SPSB4: variants seen among roughly 807,000 people sequenced by gnomAD.
SPSB4 encodes splA/ryanodine receptor domain and SOCS box containing 4, also known as SPRY domain-containing SOCS box protein 4.
A neutral mutation model predicts 20.9 loss-of-function variants in SPSB4; 21 were observed. The ratio of observed to expected loss-of-function variants is 1.01; its 90% CI spans 0.71 to 1.45. The LOEUF (loss-of-function observed/expected upper bound fraction) is 1.45, where lower values mean the gene tolerates loss of function less well. Ranked by LOEUF, SPSB4 falls within the 40% of genes most tolerant of loss-of-function variation. The pLI, the probability that SPSB4 is intolerant of heterozygous loss-of-function variation, is 0.00. For missense variants in SPSB4, 399 were observed against 399.2 expected, an observed-to-expected ratio of 1.00 and a Z score of 0.00; for synonymous variants, 207 against 183.8, an observed-to-expected ratio of 1.13 and a Z score of -1.02.
intron 2 of SPSB4, chr3:141,077,409 A>G (rs1177850453): frequency 6.6e-6 from 1 of 152,046 alleles, no homozygotes; most frequent in African/African-American, 2.4e-5. Context: ...CCATGATCTC[A>G]CTGGTGAGCA....
intron 2 of SPSB4, among the ~76,000 whole-genome samples, chr3:141,081,337 G>A (rs1938225804): frequency 6.6e-6 from 1 of 152,190 alleles, no homozygotes; most frequent in Non-Finnish European, 1.5e-5. Flanking sequence ...CTACTGGATG[G>A]GGCTGCTTTA....
At position 141,105,398 on chromosome 3, in the gene SPSB4, G is replaced by A. The variant is rs193106275; in HGVS notation, c.694+38600G>A. ...CCCATGGCCTATAATTTCATTGGTAGATCTGCTTCCCTTTTGCCTCTAGTA... is the reference window on the plus strand; with the variant it reads ...CCCATGGCCTATAATTTCATTGGTAAATCTGCTTCCCTTTTGCCTCTAGTA... On this transcript the variant is annotated intron_variant, in intron 2 of 2. Transcript: ENST00000310546. 4.6e-5 allele frequency among the ~76,000 whole-genome samples: 7 copies of A among 152,300 alleles called. No homozygotes were observed. The East Asian group carries it at 1.4e-3, about 29-fold the overall frequency.
chr3:141,103,869 A>G (rs1012298530), intron 2 of SPSB4, among the ~76,000 whole-genome samples: 24 of 151,896 alleles, frequency 1.6e-4, no homozygotes, highest in African/African-American at 5.3e-4. Flanking sequence ...ATCCTCCAGA[A>G]TGGATTCAGT....
intron 2 of SPSB4, among the ~76,000 whole-genome samples, chr3:141,134,050 T>TTA (rs1939184524): frequency 8.2e-6 from 1 of 121,238 alleles, no homozygotes; most frequent in African/African-American, 3.4e-5. Context: ...TTTTTTTTTC[T>TTA]TTTTTCTTTT....
intron 2 of SPSB4, among the ~76,000 whole-genome samples, chr3:141,129,780 T>G (rs1200301096): frequency 6.6e-6 from 1 of 152,248 alleles, no homozygotes; most frequent in Non-Finnish European, 1.5e-5. Context: ...CTTTGGAGGC[T>G]TCTCACATCC....
intron 2 of SPSB4, among the ~76,000 whole-genome samples, chr3:141,094,588 C>T (rs1287828078): frequency 6.6e-6 from 1 of 152,160 alleles, no homozygotes; most frequent in Non-Finnish European, 1.5e-5. Flanking sequence ...CTGAAGAGAA[C>T]ATGGGTTGGA....
At chr3:141,086,531 AGTGT>A (rs1938342919) in intron 2 of SPSB4, among the ~76,000 whole-genome samples, 1 of 152,234 alleles carries the variant, frequency 6.6e-6, no homozygotes, top group Admixed American at 6.5e-5. Context: ...CCTGGCACAC[AGTGT>A]GGACGTGTAA....
intron 2 of SPSB4, among the ~76,000 whole-genome samples, chr3:141,130,144 A>G (rs1186829102): frequency 6.6e-6 from 1 of 152,244 alleles, no homozygotes; most frequent in African/African-American, 2.4e-5. Context: ...GCATTACTAC[A>G]GGTAATGATA....
intron 2 of SPSB4, among the ~76,000 whole-genome samples, chr3:141,094,698 C>T (rs1017264313): frequency 1.3e-5 from 2 of 152,104 alleles, no homozygotes; most frequent in Non-Finnish European, 2.9e-5. Context: ...GAGGAGGAAG[C>T]TGATTGCCTG....
intron 2 of SPSB4, among the ~76,000 whole-genome samples, chr3:141,127,120 G>A (rs901490935): frequency 1.2e-4 from 18 of 152,380 alleles, no homozygotes; most frequent in African/African-American, 4.3e-4. Context: ...CCTGAAGCCA[G>A]TCATTCTTCC....
At position 141,147,328 on chromosome 3, in the gene SPSB4, C is replaced by T; in HGVS notation, c.*59C>T. The T allele has an allele frequency of 6.2e-7, 1 of 1,604,630 alleles. No homozygotes were observed. Among genetic ancestry groups the T allele is most frequent in the East Asian group, 2.2e-5 (1 of 44,674 alleles). On this transcript the variant is annotated 3_prime_UTR_variant, in exon 3 of 3. Coordinates refer to ENST00000310546, the MANE Select transcript of SPSB4 (RefSeq NM_080862.3). ...ACACCGCAGGGCCCGACCCTCCTGTCATTCACAGTCCCATGGCACATAGGG... is the reference window on the plus strand; with the variant it reads ...ACACCGCAGGGCCCGACCCTCCTGTTATTCACAGTCCCATGGCACATAGGG...
intron 1 of SPSB4, among the ~76,000 whole-genome samples, chr3:141,057,610 G>A (rs1937679106): frequency 2.0e-5 from 3 of 152,182 alleles, no homozygotes; most frequent in Admixed American, 1.3e-4. Flanking sequence ...CAGTCCGATG[G>A]GAGGGAGGCA....
In SPSB4 at chr3:141,066,656, T is replaced by A. The variant is rs1177285261; in HGVS notation, c.552T>A (p.Asp184Glu). Residue 184 changes from aspartate (D) to glutamate (E), a missense_variant, in exon 2 of 3, where the codon GAT (aspartate) becomes GAA (glutamate). Transcript: ENST00000310546. ...CGCTGCTCGTGGTGCTGGACATGGA[T>A]GAGGGCACACTCAGCTTCATCGTGG... ...PDSLLVVLDM[D>E]EGTLSFIVDG... 3.7e-6 allele frequency: 6 copies of A among 1,613,058 alleles called. No individual in the cohort carries two copies. In the South Asian group the frequency reaches 6.6e-5, roughly 18 times the overall value.
At chr3:141,141,183 C>T (rs138858203) in intron 2 of SPSB4, among the ~76,000 whole-genome samples, 1,951 of 152,310 alleles carry the variant, frequency 0.013, 48 homozygotes, top group African/African-American at 0.044. Context: ...GTTGGAAGAG[C>T]GCAGTATTAG....
intron 2 of SPSB4, among the ~76,000 whole-genome samples, chr3:141,081,433 G>T (rs1938228613): frequency 1.3e-5 from 2 of 152,240 alleles, no homozygotes; most frequent in Non-Finnish European, 2.9e-5. Flanking sequence ...CCAGTGGTCA[G>T]CAGAGTGGCT....
intron 2 of SPSB4, among the ~76,000 whole-genome samples, chr3:141,097,140 A>G (rs1490575120): frequency 8.5e-5 from 13 of 152,176 alleles, no homozygotes; most frequent in Admixed American, 7.2e-4. Flanking sequence ...GGGACTCTCC[A>G]TCAGCAGCTC....
At chr3:141,097,012 T>C (rs769843714) in intron 2 of SPSB4, among the ~76,000 whole-genome samples, 17 of 152,208 alleles carry the variant, frequency 1.1e-4, no homozygotes, top group Non-Finnish European at 2.4e-4. Flanking sequence ...CTCAATCTAT[T>C]GTCTTTGTGC....
intron 2 of SPSB4, among the ~76,000 whole-genome samples, chr3:141,138,711 A>G (rs1483121116): frequency 2.0e-5 from 3 of 151,884 alleles, no homozygotes; most frequent in Non-Finnish European, 4.4e-5. Flanking sequence ...AGTTTGTTAT[A>G]ATTTCTGTTC....
intron 2 of SPSB4, among the ~76,000 whole-genome samples, chr3:141,097,240 A>G (rs1294975007): frequency 2.6e-5 from 4 of 152,056 alleles, no homozygotes; most frequent in Non-Finnish European, 5.9e-5. Flanking sequence ...TGGACCCGCC[A>G]TGTTGATTCC....
Sources: gnomAD v4.1 joint callset for allele counts (sites outside exome capture counted in the v4.1 genomes callset) on GRCh38, gnomAD v4.1.1 for gene constraint, MANE v1.5 for transcripts, NCBI Gene and HGNC (gene_info 2026-07-23, HGNC 2026-07-21) for gene names.